CDH12: variants seen among roughly 807,000 people sequenced by gnomAD.
CDH12 encodes the protein cadherin 12.
CDH12 carries 41 observed loss-of-function variants against 74.1 expected under a neutral mutation model. That is an observed-to-expected ratio of 0.55 (90% CI 0.43 to 0.72). The LOEUF is 0.72. Ranked by LOEUF, CDH12 falls within the 30% of genes least tolerant of loss-of-function variation. The pLI is 0.00. For missense variants in CDH12, 945 were observed against 977.2 expected (o/e 0.97, Z 0.44); for synonymous variants, 399 against 355.0 (o/e 1.12, Z -1.39).
At chr5:21,929,957 T>C (rs1754760299) in intron 6 of CDH12, among the ~76,000 whole-genome samples, 1 of 152,214 alleles carries the variant, frequency 6.6e-6, no homozygotes, top group South Asian at 2.1e-4. Context: ...AATTCTACCA[T>C]GGTTCACTCA....
rs536781025 is a variant in CDH12, at chr5:22,811,034, TA to T, written c.-523+42023del. Among the ~76,000 whole-genome samples the T allele has an allele frequency of 4.0e-5, 6 of 151,262 alleles. No homozygotes were observed. The South Asian group carries it at 1.2e-3, about 31-fold the overall frequency. ...ACACATATATACATATGTACATACA[TA>T]AATATATACATACATACACATATAT... On this transcript the variant is annotated intron_variant, in intron 1 of 14. Coordinates refer to ENST00000382254, the MANE Select transcript of CDH12 (RefSeq NM_004061.5).
At chr5:22,625,869 G>C (rs1738263445) in intron 1 of CDH12, among the ~76,000 whole-genome samples, 1 of 152,000 alleles carries the variant, frequency 6.6e-6, no homozygotes, top group Non-Finnish European at 1.5e-5. Context: ...CCCCACAGTA[G>C]CCTTCCCCTT....
intron 4 of CDH12, among the ~76,000 whole-genome samples, chr5:22,085,030 C>G (rs1742973517): frequency 6.6e-6 from 1 of 152,102 alleles, no homozygotes; most frequent in Non-Finnish European, 1.5e-5. Context: ...AGGTTGTATT[C>G]CATATACCTG....
At position 21,880,666 on chromosome 5, in the gene CDH12, TCTTTC is replaced by T. The variant is rs1427775506; in HGVS notation, c.527-25881_527-25877del. Among the ~76,000 whole-genome samples the T allele has an allele frequency of 8.7e-4, 122 of 139,836 alleles. 2 individuals carry two copies. The highest frequency in any genetic ancestry group is 1.6e-3 in the Non-Finnish European group (100 of 63,982). 91.7% of individuals were successfully genotyped at this position (139,836 alleles called of 152,430 possible). On this transcript the variant is annotated intron_variant, in intron 6 of 14. Transcript: ENST00000382254. ...TTCTTTCTTTCTTTCTTTCTTTCTT[TCTTTC>T]TTTCTTTCTTTCTTTCTTTCTCTTT...
At chr5:22,495,318 C>A (rs1281697379) in intron 2 of CDH12, among the ~76,000 whole-genome samples, 1 of 152,126 alleles carries the variant, frequency 6.6e-6, no homozygotes, top group Non-Finnish European at 1.5e-5. Flanking sequence ...TAAAGATGTT[C>A]ATTGAGAATT....
chr5:22,327,187 T>C (rs2968267), intron 3 of CDH12, among the ~76,000 whole-genome samples: 4,947 of 152,200 alleles, frequency 0.033, 263 homozygotes, highest in African/African-American at 0.11. Context: ...CAGGTGGCTT[T>C]GTCCCCACAC....
At chr5:22,452,975 G>A (rs2551505) in intron 2 of CDH12, among the ~76,000 whole-genome samples, 72,397 of 148,822 alleles carry the variant, frequency 0.49, 17,915 homozygotes, top group Admixed American at 0.65. Flanking sequence ...CAAAAGGTAT[G>A]TGAAAATATG....
At chr5:22,447,985 T>TAAAAAAAAAAAAAA (rs10660558) in intron 2 of CDH12, among the ~76,000 whole-genome samples, 4 of 84,496 alleles carry the variant, frequency 4.7e-5, no homozygotes, top group Non-Finnish European at 8.4e-5. Flanking sequence ...TACAAGAAAT[T>TAAAAAAAAAAAAAA]AAAAAAAAAA....
chr5:22,651,412 C>G (rs1306855239), intron 1 of CDH12, among the ~76,000 whole-genome samples: 1 of 152,056 alleles, frequency 6.6e-6, no homozygotes, highest in Non-Finnish European at 1.5e-5. Context: ...AGGAAACTTA[C>G]AGTGATGTCA....
At chr5:22,779,776 C>T (rs1177400107) in intron 1 of CDH12, among the ~76,000 whole-genome samples, 2 of 152,108 alleles carry the variant, frequency 1.3e-5, no homozygotes, top group African/African-American at 4.8e-5. Context: ...TTCCTGAGGC[C>T]TCCTCAGCCA....
At chr5:22,585,794 T>C (rs147899603) in intron 1 of CDH12, among the ~76,000 whole-genome samples, 94 of 152,252 alleles carry the variant, frequency 6.2e-4, no homozygotes, top group Middle Eastern at 3.4e-3. Flanking sequence ...GGTTTCTAGG[T>C]CGTTCTTTCA....
intron 1 of CDH12, among the ~76,000 whole-genome samples, chr5:22,812,366 C>T (rs1038164229): frequency 3.9e-5 from 6 of 152,102 alleles, no homozygotes; most frequent in East Asian, 1.9e-4. Context: ...CCACCCTGTC[C>T]GTCTCCTCTG....
At chr5:21,999,165 GACTT>G (rs1736460804) in intron 5 of CDH12, among the ~76,000 whole-genome samples, 1 of 151,850 alleles carries the variant, frequency 6.6e-6, no homozygotes, top group South Asian at 2.1e-4. Context: ...CTTTAGCTGA[GACTT>G]ACCAATTTTT....
chr5:22,405,339 C>T lies in CDH12; in HGVS notation c.-415G>A. ...TCCACAGTAACTTGATTCTATAGCA[C>T]TGGACATCAAAGCTGAAAAATATGT... is the stretch of plus-strand genomic sequence containing the variant. On this transcript the variant is annotated 5_prime_UTR_variant, in exon 3 of 15. In the 5' UTR this introduces an upstream ATG that the reference lacks. Transcript: ENST00000382254. 1 of 969,452 alleles carries T rather than the reference C, an allele frequency of 1.0e-6. No homozygotes were observed. Among genetic ancestry groups the T allele is most frequent in the Non-Finnish European group, 1.2e-6 (1 of 815,354 alleles). 60.1% of individuals were successfully genotyped at this position (969,452 alleles called of 1,614,324 possible).
At chr5:21,914,211 C>A (rs1156286473) in intron 6 of CDH12, among the ~76,000 whole-genome samples, 2 of 152,144 alleles carry the variant, frequency 1.3e-5, no homozygotes, top group Non-Finnish European at 2.9e-5. Context: ...ATGACTGAAT[C>A]CTTTTGCTTT....
chr5:22,437,801 A>T (rs942456331), intron 2 of CDH12, among the ~76,000 whole-genome samples: 5 of 152,012 alleles, frequency 3.3e-5, no homozygotes, highest in Non-Finnish European at 4.4e-5. Flanking sequence ...GATTTATTTA[A>T]CCCAAGGTAC....
At chr5:22,449,948 C>T (rs1029770587) in intron 2 of CDH12, among the ~76,000 whole-genome samples, 6 of 151,878 alleles carry the variant, frequency 4.0e-5, no homozygotes, top group Non-Finnish European at 8.8e-5. Flanking sequence ...ATAGTGATTT[C>T]ATGTATGTAT....
intron 1 of CDH12, among the ~76,000 whole-genome samples, chr5:22,697,294 G>A (rs1742420753): frequency 1.3e-5 from 2 of 152,012 alleles, no homozygotes; most frequent in Admixed American, 1.3e-4. Context: ...ACAGCCAGCC[G>A]GGCGCGGTGC....
chr5:22,058,891 AGCCAGG>A (rs1467766010), intron 5 of CDH12, among the ~76,000 whole-genome samples: 2 of 152,124 alleles, frequency 1.3e-5, no homozygotes, highest in African/African-American at 4.8e-5. Context: ...GTAGTTTTAA[AGCCAGG>A]GTTTTAGATG....
Sources: allele counts gnomAD v4.1 joint callset (sites outside exome capture counted in the v4.1 genomes callset), GRCh38; gene constraint gnomAD v4.1.1; transcripts MANE v1.5; gene names NCBI Gene and HGNC (gene_info 2026-07-23, HGNC 2026-07-21).